EFCAB13: variants seen among roughly 807,000 people sequenced by gnomAD.
EFCAB13 encodes EF-hand calcium-binding domain-containing protein 13.
EFCAB13 carries 91 observed loss-of-function variants against 110.2 expected under a neutral mutation model. The ratio of observed to expected loss-of-function variants is 0.83; its 90% CI spans 0.70 to 0.98. EFCAB13 has a LOEUF of 0.98. Among genes scored for constraint, EFCAB13 ranks in the 50% least tolerant of loss-of-function variants. The probability of loss-of-function intolerance (pLI) is 0.00; values close to 1 mark genes in which losing one functional copy is unlikely to be tolerated. For missense variants in EFCAB13, 968 were observed against 1,119.4 expected (o/e 0.86, Z 1.93); for synonymous variants, 323 against 369.9 (o/e 0.87, Z 1.45).
Position 47,344,156 on chromosome 17 carries a change from C to T in EFCAB13, c.304-6C>T. The T allele has an allele frequency of 1.2e-6, 2 of 1,611,306 alleles. No individual in the cohort carries two copies. The highest frequency in any genetic ancestry group is 1.3e-5 in the African/African-American group (1 of 74,914). Reference sequence around the variant, plus strand: ...CAGGCACCAACATACTTGCATTTGGCTCTAGATTATCCCTCCTTTTCTGAA... The same window carrying T: ...CAGGCACCAACATACTTGCATTTGGTTCTAGATTATCCCTCCTTTTCTGAA... On this transcript the variant is annotated splice_polypyrimidine_tract_variant and splice_region_variant and intron_variant, in intron 6 of 24. Transcript: ENST00000331493.
At chr17:47,373,317 C>T (rs1039681831) in intron 11 of EFCAB13, among the ~76,000 whole-genome samples, 1 of 151,814 alleles carries the variant, frequency 6.6e-6, no homozygotes, top group African/African-American at 2.4e-5. Context: ...TGTTTTTGGT[C>T]ATTTATTGTT....
intron 14 of EFCAB13, 60 bp downstream of exon 14, chr17:47,379,313 T>A: frequency 7.4e-7 from 1 of 1,345,612 alleles, no homozygotes; most frequent in Non-Finnish European, 1.1e-6. Context: ...TGAGAAGAAT[T>A]AGGTTCAACA....
Position 47,440,793 on chromosome 17 carries a change from G to T in EFCAB13, c.*79G>T. ...GCATATTTGACTTCTGAAATTATTAGAAAATAATTTTTAAAACTTTTGACA... is the reference window on the plus strand; with the variant it reads ...GCATATTTGACTTCTGAAATTATTATAAAATAATTTTTAAAACTTTTGACA... On this transcript the variant is annotated 3_prime_UTR_variant, in exon 25 of 25. Transcript: ENST00000331493. 1 of 1,214,516 alleles carries T rather than the reference G, an allele frequency of 8.2e-7. No homozygotes were observed. Among genetic ancestry groups the T allele is most frequent in the South Asian group, 2.0e-5 (1 of 49,478 alleles). 75.2% of individuals were successfully genotyped at this position (1,214,516 alleles called of 1,614,324 possible). A position where few individuals can be genotyped will look rare whatever the true frequency, so the allele number is the denominator to read the frequency against.
intron 1 of EFCAB13, 161 bp downstream of exon 1, chr17:47,324,235 A>T (rs567094048): frequency 1.3e-5 from 2 of 153,176 alleles, no homozygotes; most frequent in Admixed American, 1.3e-4. Flanking sequence ...AGAAAGGAAC[A>T]GTGAGGGGAC....
chr17:47,406,369 A>G (rs1053865449), intron 20 of EFCAB13, among the ~76,000 whole-genome samples: 1 of 152,124 alleles, frequency 6.6e-6, no homozygotes, highest in African/African-American at 2.4e-5. Context: ...TCGGCCTCCC[A>G]AAGTGCTGGG....
intron 23 of EFCAB13, among the ~76,000 whole-genome samples, chr17:47,429,135 C>A (rs1342130159): frequency 6.6e-6 from 1 of 152,020 alleles, no homozygotes; most frequent in Non-Finnish European, 1.5e-5. Flanking sequence ...ACCAGTTTGA[C>A]TAAGAACTGG....
intron 9 of EFCAB13, among the ~76,000 whole-genome samples, chr17:47,355,209 A>G (rs189785223): frequency 1.2e-4 from 18 of 152,290 alleles, no homozygotes; most frequent in Admixed American, 6.5e-4. Context: ...ATAGGACCCA[A>G]TCCTTTCTAG....
At chr17:47,337,763 A>C (rs1021897777) in intron 5 of EFCAB13, among the ~76,000 whole-genome samples, 2 of 152,206 alleles carry the variant, frequency 1.3e-5, no homozygotes, top group African/African-American at 4.8e-5. Flanking sequence ...AGATGGGTTG[A>C]TTACAAAAGT....
At chr17:47,368,242 G>GC (rs895193803) in intron 10 of EFCAB13, among the ~76,000 whole-genome samples, 53 of 152,302 alleles carry the variant, frequency 3.5e-4, no homozygotes, top group African/African-American at 1.3e-3. Flanking sequence ...AGTTTCTATG[G>GC]CTCCAGATGA....
intron 21 of EFCAB13, among the ~76,000 whole-genome samples, chr17:47,410,935 A>G (rs1242960297): frequency 6.6e-6 from 1 of 152,156 alleles, no homozygotes; most frequent in African/African-American, 2.4e-5. Context: ...CTTATTTCAT[A>G]TTATAAATAT....
intron 10 of EFCAB13, among the ~76,000 whole-genome samples, chr17:47,367,260 G>C (rs1028328003): frequency 6.6e-6 from 1 of 152,212 alleles, no homozygotes; most frequent in Non-Finnish European, 1.5e-5. Context: ...TACTTGCTTT[G>C]CAGTGATTTA....
At chr17:47,423,078 TAAA>T (rs1354526265) in intron 23 of EFCAB13, among the ~76,000 whole-genome samples, 2 of 152,194 alleles carry the variant, frequency 1.3e-5, no homozygotes, top group African/African-American at 2.4e-5. Flanking sequence ...ATTCATTTAT[TAAA>T]AAGTTAATCT....
chr17:47,427,635 G>A (rs1457088397), intron 23 of EFCAB13, among the ~76,000 whole-genome samples: 3 of 152,006 alleles, frequency 2.0e-5, no homozygotes, highest in African/African-American at 7.2e-5. Context: ...ATAGACTCAA[G>A]TGTGTGAAAA....
intron 9 of EFCAB13, 49 bp downstream of exon 9, chr17:47,348,000 A>C: frequency 7.7e-7 from 1 of 1,300,074 alleles, no homozygotes; most frequent in Non-Finnish European, 1.0e-6. Context: ...AATCATAAAT[A>C]TGTTTGTCAG....
Position 47,374,982 on chromosome 17 carries a change from G to T in EFCAB13, c.1372+16G>T. The stretch of plus-strand genomic sequence containing the variant: ...AGTACTCTGGGTAAGTAAAAATCTA[G>T]GTTCTTGAGTTCTTCAGTCATCACA... On this transcript the variant is annotated intron_variant, in intron 12 of 24. Coordinates refer to ENST00000331493, the MANE Select transcript of EFCAB13 (RefSeq NM_152347.5). 1.3e-6 allele frequency: 2 copies of T among 1,533,054 alleles called. No homozygotes were observed. Among genetic ancestry groups the T allele is most frequent in the Non-Finnish European group, 8.7e-7 (1 of 1,148,610 alleles). The allele number at this position is 1,533,054 out of a possible 1,614,324, so 95.0% of individuals were successfully genotyped here.
chr17:47,332,469 A>G (rs2065324865), intron 4 of EFCAB13, among the ~76,000 whole-genome samples: 1 of 152,082 alleles, frequency 6.6e-6, no homozygotes, highest in East Asian at 1.9e-4. Flanking sequence ...AACCATGTTC[A>G]CCAATGCATT....
At chr17:47,362,433 G>A (rs1471812264) in intron 10 of EFCAB13, among the ~76,000 whole-genome samples, 2 of 152,116 alleles carry the variant, frequency 1.3e-5, no homozygotes, top group Non-Finnish European at 2.9e-5. Context: ...CAAGCAGACC[G>A]TGGTCTAGCG....
chr17:47,390,707 T>G (rs1353621093), intron 14 of EFCAB13, among the ~76,000 whole-genome samples: 1 of 152,200 alleles, frequency 6.6e-6, no homozygotes, highest in Non-Finnish European at 1.5e-5. Flanking sequence ...TTTATCATTT[T>G]GGATTGAAAA....
rs1306335410 is a variant in EFCAB13 at position 47,328,380 on chromosome 17, C to T, written c.27C>T (p.Cys9=). 6.3e-7 allele frequency: 1 copy of T among 1,584,268 alleles called. No individual in the cohort carries two copies. Among genetic ancestry groups the T allele is most frequent in the Non-Finnish European group, 8.6e-7 (1 of 1,165,980 alleles). The change falls in exon 4 of 25, where the codon TGC becomes TGT. Residue 9 remains cysteine (C), a synonymous_variant. Transcript: ENST00000331493. The part of the protein sequence containing the change: METKVHLF[C]QAEENIDLLD... ...TGGAAACTAAAGTACATTTATTCTG[C>T]CAGGTATTTATTTAAAACAGTTTCT... is the stretch of plus-strand genomic sequence containing the variant.
Sources: allele counts gnomAD v4.1 joint callset (sites outside exome capture counted in the v4.1 genomes callset), GRCh38; gene constraint gnomAD v4.1.1; transcripts MANE v1.5; gene names NCBI Gene and HGNC (gene_info 2026-07-23, HGNC 2026-07-21).